Variants in CAMK2G observed in about 807,000 individuals in gnomAD.
The protein encoded by CAMK2G is calcium/calmodulin dependent protein kinase II gamma, also known as calcium/calmodulin-dependent protein kinase type II subunit gamma.
In CAMK2G, 23 loss-of-function variants were observed where a neutral mutation model predicts 88.7. The ratio of observed to expected loss-of-function variants is 0.26; its 90% CI spans 0.19 to 0.37. The LOEUF is 0.37. CAMK2G is among the 10% of genes least tolerant of loss of function. The probability of loss-of-function intolerance (pLI) is 1.00; values close to 1 mark genes in which losing one functional copy is unlikely to be tolerated. For missense variants in CAMK2G, 476 were observed against 780.8 expected, an observed-to-expected ratio of 0.61 and a Z score of 4.65; for synonymous variants, 263 against 294.8, an observed-to-expected ratio of 0.89 and a Z score of 1.11.
chr10:73,855,135 T>A (rs2094931801), intron 3 of CAMK2G, among the ~76,000 whole-genome samples: 2 of 152,112 alleles, frequency 1.3e-5, no homozygotes, highest in Non-Finnish European at 2.9e-5. Flanking sequence ...AAAATTAGCC[T>A]GGGCACACTC....
chr10:73,852,150 A>G, intron 5 of CAMK2G, 104 bp downstream of exon 5: 2 of 841,734 alleles, frequency 2.4e-6, no homozygotes, highest in Non-Finnish European at 4.1e-6. Context: ...GATCTTCCCC[A>G]AAGACTATTC....
chr10:73,821,941 G>A (rs2088991999), intron 17 of CAMK2G, among the ~76,000 whole-genome samples: 1 of 152,046 alleles, frequency 6.6e-6, no homozygotes, highest in Admixed American at 6.6e-5. Context: ...AGTTACTCAG[G>A]CTAAAACCTG....
intron 18 of CAMK2G, 70 bp from the exon 19 acceptor site, chr10:73,819,715 G>A (rs1477846472): frequency 4.0e-6 from 4 of 991,852 alleles, no homozygotes; most frequent in Non-Finnish European, 5.9e-6. Context: ...AGGCAGGTGA[G>A]CGAGCAAGCC....
Position 73,860,811 on chromosome 10 carries a change from T to C in CAMK2G, c.220+19A>G. 1 of 1,594,988 alleles carries C rather than the reference T, an allele frequency of 6.3e-7. No individual in the cohort carries two copies. Among genetic ancestry groups the C allele is most frequent in the Non-Finnish European group, 8.6e-7 (1 of 1,162,750 alleles). On this transcript the variant is annotated intron_variant, in intron 3 of 22. Transcript: ENST00000423381. ...CTTCTACAAAATACCCACAAAATGCTCCATGCCCAGGCACTCACCGATGTT... is the reference window on the plus strand; with the variant it reads ...CTTCTACAAAATACCCACAAAATGCCCCATGCCCAGGCACTCACCGATGTT...
At chr10:73,869,244 T>A (rs1477103491) in intron 2 of CAMK2G, among the ~76,000 whole-genome samples, 1 of 152,212 alleles carries the variant, frequency 6.6e-6, no homozygotes, top group Non-Finnish European at 1.5e-5. Flanking sequence ...GAAGTCTGTA[T>A]TTTTTAAACT....
chr10:73,868,850 G>A (rs2095693465), intron 2 of CAMK2G, among the ~76,000 whole-genome samples: 1 of 152,138 alleles, frequency 6.6e-6, no homozygotes, highest in Admixed American at 6.5e-5. Context: ...CAGTCCCCAG[G>A]GCCAGCTGGA....
At chr10:73,852,987 G>A (rs185724270) in intron 4 of CAMK2G, among the ~76,000 whole-genome samples, 3 of 152,326 alleles carry the variant, frequency 2.0e-5, no homozygotes, top group Admixed American at 6.5e-5. Flanking sequence ...ATGCTGTCCT[G>A]GGGTTCAGAG....
intron 17 of CAMK2G, 90 bp downstream of exon 17, chr10:73,823,950 C>T (rs2090037192): frequency 4.1e-6 from 4 of 981,614 alleles, no homozygotes; most frequent in Admixed American, 3.4e-5. Flanking sequence ...AACACCTTGG[C>T]CTCAGGGTGC....
Position 73,842,325 on chromosome 10 carries a change from C to G in CAMK2G, c.904-114G>C. 8.6e-7 allele frequency: 1 copy of G among 1,156,470 alleles called. No homozygotes were observed. The highest frequency in any genetic ancestry group is 1.3e-6 in the Non-Finnish European group (1 of 765,044). 71.6% of individuals were successfully genotyped at this position (1,156,470 alleles called of 1,614,324 possible). On this transcript the variant is annotated intron_variant, in intron 11 of 22. Coordinates refer to ENST00000423381, the MANE Select transcript of CAMK2G (RefSeq NM_001367534.1). This position sits in a 1 kb window ranked among gnomAD's most constrained non-coding sequence, Gnocchi z 4.6. ...TGAAGACATCAGGCCTCTGGGCCCCCTCCCCTGTGACATGTACAACCTTCA... is the reference window on the plus strand; with the variant it reads ...TGAAGACATCAGGCCTCTGGGCCCCGTCCCCTGTGACATGTACAACCTTCA...
At chr10:73,831,533 C>CT (rs1273489144) in intron 14 of CAMK2G, among the ~76,000 whole-genome samples, 1 of 82,650 alleles carries the variant, frequency 1.2e-5, no homozygotes, top group African/African-American at 4.8e-5. Context: ...GAGACTCCGT[C>CT]TAAAAAAAAA....
At chr10:73,873,521 C>T (rs1247154439) in intron 1 of CAMK2G, 2 of 1,004,890 alleles carry the variant, frequency 2.0e-6, no homozygotes, top group Non-Finnish European at 2.4e-6. Context: ...AGGGTATCAT[C>T]CCCTGAAAGA....
At chr10:73,869,189 T>C (rs1048535485) in intron 2 of CAMK2G, among the ~76,000 whole-genome samples, 2 of 152,248 alleles carry the variant, frequency 1.3e-5, no homozygotes, top group African/African-American at 4.8e-5. Context: ...ATTCTGCAGC[T>C]CCACCCTAGA....
Position 73,839,145 on chromosome 10 carries a change from G to A in CAMK2G, c.1009+394C>T, listed in dbSNP as rs1156622370. On this transcript the variant is annotated intron_variant, in intron 13 of 22. Transcript: ENST00000423381. This position sits in a 1 kb window ranked among gnomAD's most constrained non-coding sequence, Gnocchi z 4.2. Reference sequence around the variant, plus strand: ...GCCAGACTTCACAATTTTGAGGAGCGCGGCTCCTCTGTGGGGTCTTAAACA... The same window carrying A: ...GCCAGACTTCACAATTTTGAGGAGCACGGCTCCTCTGTGGGGTCTTAAACA... Among the ~76,000 whole-genome samples the A allele has an allele frequency of 1.3e-5, 2 of 152,202 alleles. No homozygotes were observed. The highest frequency in any genetic ancestry group is 2.9e-5 in the Non-Finnish European group (2 of 68,042).
At chr10:73,867,338 C>CT (rs2095632224) in intron 2 of CAMK2G, among the ~76,000 whole-genome samples, 1 of 152,264 alleles carries the variant, frequency 6.6e-6, no homozygotes, top group South Asian at 2.1e-4. Flanking sequence ...AGGCAAGGCT[C>CT]TGCCTGGGGG....
intron 14 of CAMK2G, among the ~76,000 whole-genome samples, chr10:73,829,240 A>G (rs999487209): frequency 3.3e-5 from 5 of 151,980 alleles, no homozygotes; most frequent in African/African-American, 9.7e-5. Context: ...AAACCTAAAT[A>G]TAGTTAGGCC....
intron 14 of CAMK2G, among the ~76,000 whole-genome samples, chr10:73,829,213 G>A (rs1231100036): frequency 2.0e-5 from 3 of 151,992 alleles, no homozygotes; most frequent in African/African-American, 7.2e-5. Context: ...TTTAGAATTA[G>A]ATTTAAAGGA....
intron 14 of CAMK2G, among the ~76,000 whole-genome samples, chr10:73,828,395 G>C (rs551698267): frequency 8.5e-5 from 13 of 152,284 alleles, no homozygotes; most frequent in Admixed American, 7.8e-4. Context: ...CTCAAAAAAA[G>C]CCTCTTAAGG....
intron 1 of CAMK2G, among the ~76,000 whole-genome samples, chr10:73,873,942 G>A (rs529775864): frequency 1.3e-5 from 2 of 150,514 alleles, no homozygotes; most frequent in Non-Finnish European, 3.0e-5. Flanking sequence ...GGCACCCGCG[G>A]GGGGCGGGGC....
In CAMK2G at chr10:73,828,127, C is replaced by T; in HGVS notation, c.1054-6G>A. ...CTGGAACTCGACTTCCTTTTCTGGA[C>T]ACACCACAGCAAGAGGGAAAGAGAA... On this transcript the variant is annotated splice_polypyrimidine_tract_variant and splice_region_variant and intron_variant, in intron 14 of 22. Coordinates refer to ENST00000423381, the MANE Select transcript of CAMK2G (RefSeq NM_001367534.1). 1 of 1,612,188 alleles carries T rather than the reference C, an allele frequency of 6.2e-7. No homozygotes were observed. Among genetic ancestry groups the T allele is most frequent in the Non-Finnish European group, 8.5e-7 (1 of 1,178,226 alleles).
Sources: allele counts gnomAD v4.1 joint callset (sites outside exome capture counted in the v4.1 genomes callset), GRCh38; gene constraint gnomAD v4.1.1; non-coding constraint Gnocchi (gnomAD v3.1); transcripts MANE v1.5; gene names NCBI Gene and HGNC (gene_info 2026-07-23, HGNC 2026-07-21).